Variants in CLEC12A observed in about 807,000 individuals in gnomAD.
CLEC12A encodes the protein C-type lectin domain family 12 member A.
In CLEC12A, 22 loss-of-function variants were observed where a neutral mutation model predicts 26.5. That is an observed-to-expected ratio of 0.83 (90% CI 0.59 to 1.19). CLEC12A has a LOEUF of 1.19. CLEC12A is among the 50% of genes most tolerant of loss of function. The pLI is 0.00. For synonymous variants in CLEC12A, 119 were observed against 101.9 expected, an observed-to-expected ratio of 1.17 and a Z score of -1.01; for missense variants, 353 against 315.6, an observed-to-expected ratio of 1.12 and a Z score of -0.90.
chr12:9,957,744 G>T (rs1863766742), intron 1 of CLEC12A, among the ~76,000 whole-genome samples: 1 of 152,190 alleles, frequency 6.6e-6, no homozygotes, highest in Admixed American at 6.5e-5. Flanking sequence ...TCTATCCTTT[G>T]TCCCATACCT....
downstream of CLEC12A, among the ~76,000 whole-genome samples, chr12:9,989,293 A>G (rs577119148): frequency 1.3e-5 from 2 of 152,214 alleles, no homozygotes; most frequent in African/African-American, 4.8e-5. Context: ...CAGCACACCA[A>G]CATGGCACAT....
downstream of CLEC12A, chr12:9,997,071 T>A: frequency 6.2e-7 from 1 of 1,609,358 alleles, no homozygotes. Flanking sequence ...CATTCAATGT[T>A]TTCTGCAGAT....
intron 1 of CLEC12A, among the ~76,000 whole-genome samples, chr12:9,977,671 C>A (rs1334066135): frequency 6.6e-6 from 1 of 152,104 alleles, no homozygotes. Flanking sequence ...CACAACATCG[C>A]CAAATTTGAG....
At chr12:9,960,052 A>C (rs1863805276) in intron 1 of CLEC12A, among the ~76,000 whole-genome samples, 1 of 152,204 alleles carries the variant, frequency 6.6e-6, no homozygotes, top group Admixed American at 6.5e-5. Flanking sequence ...ATCAGGCTGA[A>C]GACTAGCTGC....
At chr12:9,976,984 G>C (rs1248474720) in intron 1 of CLEC12A, among the ~76,000 whole-genome samples, 2 of 151,618 alleles carry the variant, frequency 1.3e-5, no homozygotes, top group Non-Finnish European at 2.9e-5. Context: ...GGCCTCCCCA[G>C]CCGCGTGAAA....
At chr12:9,976,320 C>A (rs1024694288) in intron 1 of CLEC12A, among the ~76,000 whole-genome samples, 5 of 152,198 alleles carry the variant, frequency 3.3e-5, no homozygotes, top group African/African-American at 1.2e-4. Flanking sequence ...CTGTACCTTG[C>A]AAAGCCACAG....
intron 2 of CLEC12A, 81 bp from the exon 3 acceptor site, chr12:9,979,255 C>A: frequency 2.5e-6 from 3 of 1,185,730 alleles, no homozygotes; most frequent in Non-Finnish European, 3.6e-6. Flanking sequence ...CCCCTTTAAT[C>A]TTTATACTAC....
intron 1 of CLEC12A, among the ~76,000 whole-genome samples, chr12:9,957,678 A>C (rs1414288632): frequency 1.3e-5 from 2 of 152,190 alleles, no homozygotes; most frequent in Non-Finnish European, 2.9e-5. Context: ...ACGAAAGGGC[A>C]GAGGAAGCAA....
chr12:9,959,508 T>C (rs1303241639), intron 1 of CLEC12A, among the ~76,000 whole-genome samples: 6 of 152,054 alleles, frequency 3.9e-5, no homozygotes, highest in Non-Finnish European at 8.8e-5. Context: ...TTTTTGGCTC[T>C]TTCGTTGCTT....
intron 1 of CLEC12A, among the ~76,000 whole-genome samples, chr12:9,953,651 C>T (rs1320765580): frequency 3.3e-5 from 5 of 151,452 alleles, no homozygotes; most frequent in African/African-American, 7.3e-5. Flanking sequence ...TCTGCCCGGC[C>T]GCCCCTACTG....
rs143296013 is a variant in CLEC12A at position 9,971,669 on chromosome 12, G to A, written c.73G>A (p.Gly25Ser). 9.7e-5 allele frequency: 156 copies of A among 1,609,318 alleles called. No homozygotes were observed. The highest frequency in any genetic ancestry group is 1.3e-4 in the Non-Finnish European group (150 of 1,177,708). Residue 25 changes from glycine (G) to serine (S), a missense_variant, in exon 1 of 6, where the codon GGC becomes AGC. Physicochemically the swap from Gly to Ser is moderately conservative, Grantham distance 56. Transcript: ENST00000304361. ...SSEMEKIPEI[G>S]KFGEKAPPAP... ...TGAGATGGAAAAAATCCCAGAAATT[G>A]GCAAATTTGGGGAAAAAGGTAAGAT...
intron 3 of CLEC12A, among the ~76,000 whole-genome samples, chr12:9,980,324 G>A (rs1443420553): frequency 6.6e-6 from 1 of 151,694 alleles, no homozygotes; most frequent in Non-Finnish European, 1.5e-5. Context: ...TGTAATCCCA[G>A]CTACTTGGGT....
intron 4 of CLEC12A, among the ~76,000 whole-genome samples, chr12:9,981,558 G>A (rs1864559298): frequency 6.6e-6 from 1 of 151,976 alleles, no homozygotes. Context: ...GCTAGAATAA[G>A]AAAAAAACCT....
At chr12:9,966,003 A>G (rs1199152055) in intron 1 of CLEC12A, among the ~76,000 whole-genome samples, 1 of 152,082 alleles carries the variant, frequency 6.6e-6, no homozygotes, top group African/African-American at 2.4e-5. Context: ...TAGCCTAGGA[A>G]TAGTTAGGGA....
intron 1 of CLEC12A, among the ~76,000 whole-genome samples, chr12:9,962,551 T>G (rs969567287): frequency 3.3e-5 from 5 of 151,918 alleles, no homozygotes; most frequent in Non-Finnish European, 5.9e-5. Flanking sequence ...CGAAGGGAGA[T>G]AGGGGTGGAG....
chr12:9,979,245 C>A, intron 2 of CLEC12A, 91 bp from the exon 3 acceptor site: 1 of 1,093,130 alleles, frequency 9.1e-7, no homozygotes, highest in Non-Finnish European at 1.3e-6. Context: ...GCTTTCCCTA[C>A]CCCTTTAATC....
Position 9,963,405 on chromosome 12 carries a change from T to C in CLEC12A, c.11-8172T>C, listed in dbSNP as rs553133418. Among the ~76,000 whole-genome samples the C allele has an allele frequency of 1.5e-4, 21 of 143,112 alleles. No individual in the cohort carries two copies. The East Asian group carries it at 3.6e-3, about 24-fold the overall frequency. The allele number at this position is 143,112 out of a possible 152,430, so 93.9% of individuals were successfully genotyped here. A position where few individuals can be genotyped will look rare whatever the true frequency, so the allele number is the denominator to read the frequency against. On this transcript the variant is annotated intron_variant, in intron 1 of 6. Coordinates refer to the CLEC12A transcript ENST00000355690. ...TTGGAGGACAACTGCAGCTAAAGAG[T>C]CAACTTGGGCCTGGAGGACTGATAA...
At chr12:9,985,922 T>TTTTTTTTTTTTTTTTTTTTTTTGAGAC (rs1555143653), downstream of CLEC12A, 1 of 166,640 alleles carries the variant, frequency 6.0e-6, no homozygotes, top group Non-Finnish European at 1.3e-5. Flanking sequence ...TAGGCATTTT[T>TTTTTTTTTTTTTTTTTTTTTTTGAGAC]GTAACCCCTC....
intron 1 of CLEC12A, among the ~76,000 whole-genome samples, chr12:9,972,042 ATGTGTG>A (rs200619603): frequency 5.9e-4 from 57 of 95,866 alleles, no homozygotes; most frequent in African/African-American, 2.3e-3. Context: ...ATGATTTCAT[ATGTGTG>A]TGTGTGTGTG....
Sources: gnomAD v4.1 joint callset for allele counts (sites outside exome capture counted in the v4.1 genomes callset) on GRCh38, gnomAD v4.1.1 for gene constraint, MANE v1.5 for transcripts, NCBI Gene and HGNC (gene_info 2026-07-23, HGNC 2026-07-21) for gene names.